The following NDUFAF2 variants were observed in gnomAD, a reference collection of about 807,000 sequenced individuals.
NDUFAF2 encodes the protein NADH dehydrogenase [ubiquinone] 1 alpha subcomplex assembly factor 2.
NDUFAF2 carries 13 observed loss-of-function variants against 22.8 expected under a neutral mutation model. The observed-to-expected ratio is 0.57, with a 90% CI of 0.37 to 0.91. The LOEUF (loss-of-function observed/expected upper bound fraction) is 0.91, where lower values mean the gene tolerates loss of function less well. NDUFAF2 is among the 40% of genes least tolerant of loss of function. The pLI is 0.01. For synonymous variants in NDUFAF2, 53 were observed against 64.2 expected, an observed-to-expected ratio of 0.83 and a Z score of 0.84; for missense variants, 162 against 195.2, an observed-to-expected ratio of 0.83 and a Z score of 1.01.
chr5:61,084,077 G>A (rs1337286278), intron 2 of NDUFAF2, among the ~76,000 whole-genome samples: 2 of 151,646 alleles, frequency 1.3e-5, no homozygotes, highest in East Asian at 3.8e-4. Flanking sequence ...GTTTTTCACT[G>A]TTAGGTATGA....
intron 1 of NDUFAF2, among the ~76,000 whole-genome samples, chr5:60,967,819 C>G (rs112211235): frequency 1.3e-5 from 2 of 149,188 alleles, no homozygotes; most frequent in African/African-American, 2.5e-5. Flanking sequence ...TTGTAATGTC[C>G]CTTTCTGGCC....
At position 61,093,491 on chromosome 5, in the gene NDUFAF2, C is replaced by T. The variant is rs564118264; in HGVS notation, c.218-5501C>T. ...AAGGGATGCTGATTTTAATTGACAGCCTTTTCTGCATCTGTTGAGATAATC... is the reference window on the plus strand; with the variant it reads ...AAGGGATGCTGATTTTAATTGACAGTCTTTTCTGCATCTGTTGAGATAATC... On this transcript the variant is annotated intron_variant, in intron 2 of 3. Coordinates refer to ENST00000296597, the MANE Select transcript of NDUFAF2 (RefSeq NM_174889.5). Among the ~76,000 whole-genome samples the T allele has an allele frequency of 3.9e-5, 6 of 152,254 alleles. No homozygotes were observed. The East Asian group carries it at 1.2e-3, about 29-fold the overall frequency.
intron 1 of NDUFAF2, among the ~76,000 whole-genome samples, chr5:61,037,958 A>C (rs2909851): frequency 0.2 from 30,727 of 151,060 alleles, 3,284 homozygotes; most frequent in South Asian, 0.27. Flanking sequence ...GTTGAGCTGC[A>C]AAAAATGCAG....
chr5:61,126,680 G>C (rs1394306801), intron 3 of NDUFAF2, among the ~76,000 whole-genome samples: 1 of 151,928 alleles, frequency 6.6e-6, no homozygotes, highest in Non-Finnish European at 1.5e-5. Flanking sequence ...TTGCGTATTG[G>C]CAAAATACTT....
intron 2 of NDUFAF2, among the ~76,000 whole-genome samples, chr5:61,095,358 TG>T (rs1206712064): frequency 1.3e-5 from 2 of 152,204 alleles, no homozygotes; most frequent in African/African-American, 4.8e-5. Context: ...ACAGCAAAGA[TG>T]GTGGCCCTTC....
At chr5:61,092,280 A>G (rs995765982) in intron 2 of NDUFAF2, among the ~76,000 whole-genome samples, 1 of 152,162 alleles carries the variant, frequency 6.6e-6, no homozygotes, top group Admixed American at 6.6e-5. Flanking sequence ...TAATGGGAAT[A>G]GCATTGAATC....
intron 1 of NDUFAF2, among the ~76,000 whole-genome samples, chr5:61,051,138 A>C (rs1051913205): frequency 1.3e-5 from 2 of 152,048 alleles, no homozygotes; most frequent in South Asian, 4.2e-4. Flanking sequence ...GTAAAATCCA[A>C]TTGTTCTCTT....
chr5:61,056,045 A>G lies in NDUFAF2; in HGVS notation c.128-17080A>G, dbSNP rs937421407. ...CATAATATTATTGACACGTTGCTAAATTAGCCTAAATTACATGATCTTCAG... is the reference window on the plus strand; with the variant it reads ...CATAATATTATTGACACGTTGCTAAGTTAGCCTAAATTACATGATCTTCAG... On this transcript the variant is annotated intron_variant, in intron 1 of 3. Coordinates refer to ENST00000296597, the MANE Select transcript of NDUFAF2 (RefSeq NM_174889.5). 4.6e-5 allele frequency among the ~76,000 whole-genome samples: 7 copies of G among 152,220 alleles called. No homozygotes were observed. The East Asian group carries it at 7.7e-4, about 17-fold the overall frequency.
chr5:61,122,358 G>T (rs1579841861), intron 3 of NDUFAF2, among the ~76,000 whole-genome samples: 1 of 152,100 alleles, frequency 6.6e-6, no homozygotes, highest in Admixed American at 6.6e-5. Context: ...TAATGAACTG[G>T]TATATAAAGT....
At chr5:60,998,962 C>A (rs1455062805) in intron 1 of NDUFAF2, among the ~76,000 whole-genome samples, 1 of 151,852 alleles carries the variant, frequency 6.6e-6, no homozygotes, top group Non-Finnish European at 1.5e-5. Context: ...AAGTATGAAG[C>A]TACTTCCTAT....
At chr5:61,123,252 G>A (rs1222229128) in intron 3 of NDUFAF2, among the ~76,000 whole-genome samples, 1 of 152,084 alleles carries the variant, frequency 6.6e-6, no homozygotes, top group East Asian at 1.9e-4. Context: ...AACTCAAAAT[G>A]TAAATAGTAC....
chr5:61,087,093 T>G (rs1169074326), intron 2 of NDUFAF2, among the ~76,000 whole-genome samples: 1 of 152,040 alleles, frequency 6.6e-6, no homozygotes, highest in Admixed American at 6.6e-5. Context: ...TGAGAGGTAA[T>G]TAGAGTTAGA....
chr5:61,008,845 C>A (rs1172414615), intron 1 of NDUFAF2, among the ~76,000 whole-genome samples: 1 of 151,980 alleles, frequency 6.6e-6, no homozygotes, highest in Non-Finnish European at 1.5e-5. Context: ...TGACTAGGGC[C>A]TTGAAGGATG....
intron 3 of NDUFAF2, among the ~76,000 whole-genome samples, chr5:61,132,221 A>G (rs1196233181): frequency 2.0e-5 from 3 of 152,220 alleles, no homozygotes; most frequent in Non-Finnish European, 4.4e-5. Flanking sequence ...GGTCCCTGCC[A>G]TCTCTCGAGG....
intron 2 of NDUFAF2, among the ~76,000 whole-genome samples, chr5:61,090,230 T>G (rs1752550000): frequency 6.6e-6 from 1 of 152,116 alleles, no homozygotes; most frequent in Admixed American, 6.6e-5. Context: ...TTGGCAAACT[T>G]TTTCTTTAAA....
At chr5:60,979,837 C>T (rs914306303) in intron 1 of NDUFAF2, among the ~76,000 whole-genome samples, 1 of 152,158 alleles carries the variant, frequency 6.6e-6, no homozygotes, top group African/African-American at 2.4e-5. Context: ...GGTAGCCAGG[C>T]ATTGGTCACT....
At chr5:61,115,090 A>G (rs2161198) in intron 3 of NDUFAF2, 139,972 of 152,550 alleles carry the variant, frequency 0.92, 64,305 homozygotes, top group East Asian at 1. Context: ...CTGTTGCTCT[A>G]TTCTACTGTG....
intron 1 of NDUFAF2, among the ~76,000 whole-genome samples, chr5:61,022,903 C>T (rs1751602065): frequency 6.6e-6 from 1 of 152,210 alleles, no homozygotes; most frequent in South Asian, 2.1e-4. Flanking sequence ...CCTCAGCTTC[C>T]CTAAGTGCTA....
At chr5:61,141,095 C>G (rs1741045960) in intron 3 of NDUFAF2, among the ~76,000 whole-genome samples, 1 of 152,048 alleles carries the variant, frequency 6.6e-6, no homozygotes, top group Non-Finnish European at 1.5e-5. Flanking sequence ...GACGTGGTGG[C>G]ACATGCCTGT....
Sources: allele counts gnomAD v4.1 joint callset (sites outside exome capture counted in the v4.1 genomes callset), GRCh38; gene constraint gnomAD v4.1.1; transcripts MANE v1.5; gene names NCBI Gene and HGNC (gene_info 2026-07-23, HGNC 2026-07-21).